The following FGF14 variants were observed in gnomAD, a reference collection of about 807,000 sequenced individuals.
FGF14 encodes the protein fibroblast growth factor 14.
Under a neutral mutation model 25.5 loss-of-function variants are expected in FGF14, and 5 were observed. The ratio of observed to expected loss-of-function variants is 0.20; its 90% CI spans 0.10 to 0.41. The LOEUF is 0.41. FGF14 is among the 10% of genes least tolerant of loss of function. The pLI is 1.00. For synonymous variants in FGF14, 138 were observed against 118.3 expected, an observed-to-expected ratio of 1.17 and a Z score of -1.08; for missense variants, 222 against 320.1, an observed-to-expected ratio of 0.69 and a Z score of 2.34.
intron 3 of FGF14, among the ~76,000 whole-genome samples, chr13:101,741,241 C>T (rs1456560057): frequency 6.6e-6 from 1 of 152,132 alleles, no homozygotes; most frequent in African/African-American, 2.4e-5. Flanking sequence ...GAGGGTGAGG[C>T]AGGAGAATTG....
At chr13:101,903,893 AT>A (rs1007611992) in intron 1 of FGF14, among the ~76,000 whole-genome samples, 1 of 152,100 alleles carries the variant, frequency 6.6e-6, no homozygotes, top group African/African-American at 2.4e-5. Context: ...TACAGGTGCA[AT>A]TTTGTTACAG....
chr13:102,025,992 A>G (rs2040905787), intron 1 of FGF14, among the ~76,000 whole-genome samples: 1 of 152,060 alleles, frequency 6.6e-6, no homozygotes, highest in Non-Finnish European at 1.5e-5. Context: ...AATGTTAAAC[A>G]GAAGTGGCAA....
At chr13:102,342,257 A>C (rs1219612477) in intron 1 of FGF14, among the ~76,000 whole-genome samples, 2 of 152,130 alleles carry the variant, frequency 1.3e-5, no homozygotes, top group East Asian at 3.9e-4. Context: ...CCCAGCTCCA[A>C]GCCTGATGTC....
intron 1 of FGF14, among the ~76,000 whole-genome samples, chr13:102,353,213 G>T (rs2057337293): frequency 6.6e-6 from 1 of 152,180 alleles, no homozygotes; most frequent in South Asian, 2.1e-4. Context: ...AATACAGTTT[G>T]CTAATAAACT....
chr13:102,183,255 C>T (rs2048747407), intron 1 of FGF14, among the ~76,000 whole-genome samples: 1 of 151,904 alleles, frequency 6.6e-6, no homozygotes, highest in Non-Finnish European at 1.5e-5. Flanking sequence ...TTTTAGAATT[C>T]AAAATTTCTA....
At chr13:102,044,580 T>A (rs1268608717) in intron 1 of FGF14, among the ~76,000 whole-genome samples, 1 of 152,132 alleles carries the variant, frequency 6.6e-6, no homozygotes. Context: ...TCAGGTGGCT[T>A]GGAGATACTC....
intron 1 of FGF14, among the ~76,000 whole-genome samples, chr13:102,350,284 C>T (rs929008621): frequency 6.6e-6 from 1 of 151,928 alleles, no homozygotes; most frequent in Non-Finnish European, 1.5e-5. Context: ...CAGGAGGATC[C>T]CTTGAGCCCA....
At chr13:101,884,868 T>TACACAC (rs760286958) in intron 1 of FGF14, among the ~76,000 whole-genome samples, 18 of 73,236 alleles carry the variant, frequency 2.5e-4, no homozygotes, top group South Asian at 4.5e-4. Context: ...GACACATACA[T>TACACAC]ACACACACAC....
At chr13:101,978,417 G>A (rs1409748290) in intron 1 of FGF14, among the ~76,000 whole-genome samples, 1 of 152,098 alleles carries the variant, frequency 6.6e-6, no homozygotes, top group Non-Finnish European at 1.5e-5. Flanking sequence ...AATCATAACT[G>A]CATGGAGCCA....
chr13:102,278,948 A>C (rs1025894544), intron 1 of FGF14, among the ~76,000 whole-genome samples: 3 of 152,080 alleles, frequency 2.0e-5, no homozygotes, highest in African/African-American at 7.2e-5. Flanking sequence ...ACTTATATAT[A>C]CCAGCTGGAT....
chr13:101,832,751 A>C (rs2042736211), intron 3 of FGF14, among the ~76,000 whole-genome samples: 1 of 152,058 alleles, frequency 6.6e-6, no homozygotes, highest in South Asian at 2.1e-4. Flanking sequence ...AAGGACATGA[A>C]CTTTTAAATG....
At chr13:102,133,144 T>C (rs2046270735) in intron 1 of FGF14, among the ~76,000 whole-genome samples, 1 of 152,232 alleles carries the variant, frequency 6.6e-6, no homozygotes. Context: ...CACAGCAGTA[T>C]GACATTTAAT....
chr13:101,788,916 A>ATATATATAT (rs2040052849), intron 3 of FGF14, among the ~76,000 whole-genome samples: 1 of 12,450 alleles, frequency 8.0e-5, no homozygotes, highest in African/African-American at 1.2e-4. Flanking sequence ...ATATAGAGAG[A>ATATATATAT]GAGAGAGAGA....
At chr13:101,842,997 A>G (rs2043265865) in intron 3 of FGF14, among the ~76,000 whole-genome samples, 1 of 152,074 alleles carries the variant, frequency 6.6e-6, no homozygotes, top group South Asian at 2.1e-4. Flanking sequence ...CTGTTCGTCT[A>G]TACGGAAACA....
chr13:102,295,428 G>GT (rs549365151), intron 1 of FGF14, among the ~76,000 whole-genome samples: 1 of 152,202 alleles, frequency 6.6e-6, no homozygotes, highest in East Asian at 1.9e-4. Context: ...GCAGCCTTAA[G>GT]TTTTTTTCTT....
At chr13:102,388,350 T>A (rs1387002276) in intron 1 of FGF14, among the ~76,000 whole-genome samples, 1 of 152,230 alleles carries the variant, frequency 6.6e-6, no homozygotes, top group Admixed American at 6.5e-5. Flanking sequence ...ATGTATAATG[T>A]ATGCTCAGAC....
At chr13:101,916,321 A>G in intron 1 of FGF14, 132 bp downstream of exon 1, 1 of 1,111,192 alleles carries the variant, frequency 9.0e-7, no homozygotes, top group Non-Finnish European at 1.3e-6. Flanking sequence ...GACGGCACCC[A>G]GAGTGCTCAG....
intron 1 of FGF14, among the ~76,000 whole-genome samples, chr13:102,140,191 T>C (rs1487248274): frequency 6.6e-6 from 1 of 152,066 alleles, no homozygotes; most frequent in Non-Finnish European, 1.5e-5. Context: ...GGGATAATAA[T>C]GGGGTCTTTG....
At chr13:101,873,636 T>G (rs533974047) in intron 2 of FGF14, among the ~76,000 whole-genome samples, 13 of 152,136 alleles carry the variant, frequency 8.5e-5, no homozygotes, top group African/African-American at 2.9e-4. Context: ...TGTCAACAAA[T>G]GGGTAAAGAG....
Sources: gnomAD v4.1 joint callset for allele counts (sites outside exome capture counted in the v4.1 genomes callset) on GRCh38, gnomAD v4.1.1 for gene constraint, MANE v1.5 for transcripts, NCBI Gene and HGNC (gene_info 2026-07-23, HGNC 2026-07-21) for gene names.